MRPS27: variants seen among roughly 807,000 people sequenced by gnomAD.
MRPS27 encodes the protein mitochondrial ribosomal protein S27.
Under a neutral mutation model 48.9 loss-of-function variants are expected in MRPS27, and 43 were observed. The ratio of observed to expected loss-of-function variants is 0.88; its 90% CI spans 0.69 to 1.13. The LOEUF is 1.13. Among genes scored for constraint, MRPS27 ranks in the 50% most tolerant of loss-of-function variants. The pLI is 0.00. For missense variants in MRPS27, 467 were observed against 476.3 expected (o/e 0.98, Z 0.18); for synonymous variants, 188 against 171.9 (o/e 1.09, Z -0.73).
chr5:72,306,622 T>C (rs1750276141), intron 2 of MRPS27, among the ~76,000 whole-genome samples: 1 of 152,238 alleles, frequency 6.6e-6, no homozygotes, highest in African/African-American at 2.4e-5. Context: ...GTATGGACCT[T>C]ATCTAGATCA....
At chr5:72,255,291 T>C (rs187621440) in intron 4 of MRPS27, among the ~76,000 whole-genome samples, 177 of 152,208 alleles carry the variant, frequency 1.2e-3, no homozygotes, top group African/African-American at 4.0e-3. Context: ...CCTCAGGTAA[T>C]CCACCCGCCT....
At chr5:72,275,372 G>GT (rs1749346846) in intron 4 of MRPS27, among the ~76,000 whole-genome samples, 1 of 152,124 alleles carries the variant, frequency 6.6e-6, no homozygotes. Flanking sequence ...GCTCAAGGAA[G>GT]TAAGAGAGGA....
chr5:72,277,621 A>G (rs1490474614), intron 4 of MRPS27, among the ~76,000 whole-genome samples: 2 of 152,162 alleles, frequency 1.3e-5, no homozygotes, highest in African/African-American at 4.8e-5. Flanking sequence ...AGAAAAGAAA[A>G]AAAAAGATAC....
intron 9 of MRPS27, 71 bp downstream of exon 9, chr5:72,225,986 A>G (rs1306812341): frequency 2.0e-6 from 3 of 1,528,858 alleles, no homozygotes; most frequent in Admixed American, 1.9e-5. Context: ...AAGACAATGA[A>G]AACAAATTTA....
chr5:72,223,646 T>C (rs1390300309), intron 10 of MRPS27, 37 bp downstream of exon 10: 2 of 1,610,028 alleles, frequency 1.2e-6, no homozygotes, highest in South Asian at 1.1e-5. Flanking sequence ...GTGTGTTTTA[T>C]GCGCTGCTAA....
chr5:72,240,058 C>G (rs1011845091), intron 4 of MRPS27, among the ~76,000 whole-genome samples: 2 of 152,122 alleles, frequency 1.3e-5, no homozygotes, highest in African/African-American at 4.8e-5. Context: ...CCTGTAAGTT[C>G]CTGTGTCAGC....
intron 4 of MRPS27, among the ~76,000 whole-genome samples, chr5:72,289,186 T>A (rs2112048186): frequency 6.6e-6 from 1 of 152,292 alleles, no homozygotes; most frequent in Non-Finnish European, 1.5e-5. Flanking sequence ...TAGTGAAAGA[T>A]ACTTGAGACC....
intron 2 of MRPS27, among the ~76,000 whole-genome samples, chr5:72,299,289 T>C (rs2112068798): frequency 7.6e-6 from 1 of 131,282 alleles, no homozygotes; most frequent in African/African-American, 2.8e-5. Flanking sequence ...AAGTCCAATA[T>C]AATTAGCTCA....
intron 4 of MRPS27, among the ~76,000 whole-genome samples, chr5:72,248,669 T>TAAAA (rs36063387): frequency 2.8e-4 from 20 of 70,270 alleles, no homozygotes; most frequent in African/African-American, 7.9e-4. Context: ...CATTTTCATT[T>TAAAA]AAAAAAAAAA....
intron 8 of MRPS27, among the ~76,000 whole-genome samples, chr5:72,226,563 T>A (rs1309029182): frequency 6.6e-6 from 1 of 152,142 alleles, no homozygotes; most frequent in Non-Finnish European, 1.5e-5. Flanking sequence ...CAATTTTTGT[T>A]TCAAGAACAA....
At chr5:72,304,104 G>A (rs553331825) in intron 2 of MRPS27, among the ~76,000 whole-genome samples, 1 of 152,084 alleles carries the variant, frequency 6.6e-6, no homozygotes, top group East Asian at 1.9e-4. Context: ...TGTGTGTGTG[G>A]ACCTAAGGTG....
intron 2 of MRPS27, among the ~76,000 whole-genome samples, chr5:72,313,875 T>C (rs961971469): frequency 1.3e-5 from 2 of 152,212 alleles, no homozygotes; most frequent in Non-Finnish European, 2.9e-5. Context: ...AGACTAATCA[T>C]GGAGGCAAAA....
At chr5:72,275,573 G>A (rs1749352073) in intron 4 of MRPS27, among the ~76,000 whole-genome samples, 2 of 152,150 alleles carry the variant, frequency 1.3e-5, no homozygotes, top group South Asian at 2.1e-4. Context: ...ATATAGCCAA[G>A]ACAATCCTAA....
At chr5:72,261,227 A>C (rs1748963642) in intron 4 of MRPS27, among the ~76,000 whole-genome samples, 1 of 152,100 alleles carries the variant, frequency 6.6e-6, no homozygotes, top group Non-Finnish European at 1.5e-5. Context: ...TGTGATTATA[A>C]TGCTGATCAG....
intron 10 of MRPS27, among the ~76,000 whole-genome samples, 172 bp downstream of exon 10, chr5:72,223,511 T>C (rs1233968389): frequency 3.9e-5 from 6 of 152,228 alleles, no homozygotes; most frequent in South Asian, 2.1e-4. Context: ...AAAAATTCCA[T>C]TGGTTTCTTT....
At chr5:72,305,671 G>C (rs1429453307) in intron 2 of MRPS27, among the ~76,000 whole-genome samples, 1 of 152,160 alleles carries the variant, frequency 6.6e-6, no homozygotes, top group African/African-American at 2.4e-5. Context: ...CCTGAATTCA[G>C]CTCAAGTCAC....
chr5:72,250,716 AT>A (rs1748642518), intron 4 of MRPS27, among the ~76,000 whole-genome samples: 1 of 152,202 alleles, frequency 6.6e-6, no homozygotes. Context: ...CCGGCTTATA[AT>A]TCTTTTTGGA....
At chr5:72,319,969 G>A in intron 1 of MRPS27, 180 bp downstream of exon 1, 1 of 648,510 alleles carries the variant, frequency 1.5e-6, no homozygotes, top group South Asian at 1.9e-5. Flanking sequence ...GGAACATACT[G>A]TTATTTTAGG....
chr5:72,223,769 T>G lies in MRPS27; in HGVS notation c.919A>C (p.Asn307His). 1 of 1,614,058 alleles carries G rather than the reference T, an allele frequency of 6.2e-7. No individual in the cohort carries two copies. Among genetic ancestry groups the G allele is most frequent in the Non-Finnish European group, 8.5e-7 (1 of 1,179,950 alleles). The change falls in exon 10 of 11, where the codon AAC (asparagine) becomes CAC (histidine). Residue 307 changes from asparagine to histidine, a missense_variant. By Grantham distance (68) the Asn-to-His change is moderately conservative (BLOSUM62 1). Coordinates refer to ENST00000261413, the MANE Select transcript of MRPS27 (RefSeq NM_015084.3). ...TCCACCAGTTTTTCTGACCCCTGGT[T>G]GTCTTCATCATTTTGGGACTGCTCC... is the stretch of plus-strand genomic sequence containing the variant. Reference protein sequence around the residue: ...SEEQSQNDEDNQGSEKLVEQL... With the variant: ...SEEQSQNDEDHQGSEKLVEQL...
Sources: gnomAD v4.1 joint callset for allele counts (sites outside exome capture counted in the v4.1 genomes callset) on GRCh38, gnomAD v4.1.1 for gene constraint, MANE v1.5 for transcripts, NCBI Gene and HGNC (gene_info 2026-07-23, HGNC 2026-07-21) for gene names.